The following MCHR2 variants were observed in gnomAD, a reference collection of about 807,000 sequenced individuals.
MCHR2 encodes the protein melanin-concentrating hormone receptor 2.
Under a neutral mutation model 24.8 loss-of-function variants are expected in MCHR2, and 15 were observed. That is an observed-to-expected ratio of 0.60 (90% CI 0.40 to 0.93). MCHR2 has a LOEUF of 0.93. Ranked by LOEUF, MCHR2 falls within the 40% of genes least tolerant of loss-of-function variation. The pLI is 0.00. For missense variants in MCHR2, 386 were observed against 408.7 expected, an observed-to-expected ratio of 0.94 and a Z score of 0.48; for synonymous variants, 151 against 147.6, an observed-to-expected ratio of 1.02 and a Z score of -0.17.
chr6:99,931,137 G>T (rs912428418), intron 5 of MCHR2, among the ~76,000 whole-genome samples: 2 of 152,166 alleles, frequency 1.3e-5, no homozygotes, highest in Admixed American at 1.3e-4. Context: ...AGCAGCGGTG[G>T]CTGCAGAACA....
chr6:99,921,140 A>G lies in MCHR2; in HGVS notation c.823T>C (p.Leu275=), dbSNP rs1774219208. The change falls in exon 6 of 6, where the codon TTA becomes CTA. Residue 275 remains leucine, a synonymous_variant. Coordinates refer to ENST00000281806, the MANE Select transcript of MCHR2 (RefSeq NM_001040179.2). ...GCCAGTGTGGGCTGTTCCATCTGTAAGTTCACCAGTTGTATCACATGATAA... is the reference window on the plus strand; with the variant it reads ...GCCAGTGTGGGCTGTTCCATCTGTAGGTTCACCAGTTGTATCACATGATAA... The part of the protein sequence containing the change: ...APYHVIQLVN[L]QMEQPTLAFY... 1.2e-6 allele frequency: 2 copies of G among 1,614,056 alleles called. No homozygotes were observed. The highest frequency in any genetic ancestry group is 1.7e-5 in the Admixed American group (1 of 60,006).
intron 1 of MCHR2, among the ~76,000 whole-genome samples, chr6:99,988,030 A>G (rs1303874918): frequency 6.6e-6 from 1 of 152,194 alleles, no homozygotes; most frequent in Non-Finnish European, 1.5e-5. Flanking sequence ...CTTCAGCAGA[A>G]TATTTAACTC....
At chr6:99,972,084 T>C (rs1403307730) in intron 1 of MCHR2, among the ~76,000 whole-genome samples, 1 of 152,240 alleles carries the variant, frequency 6.6e-6, no homozygotes, top group Non-Finnish European at 1.5e-5. Context: ...ATAAAATGAA[T>C]TAGGGAGGAT....
chr6:99,983,999 C>T (rs1775721489), intron 1 of MCHR2, among the ~76,000 whole-genome samples: 2 of 152,096 alleles, frequency 1.3e-5, no homozygotes, highest in Admixed American at 6.5e-5. Flanking sequence ...TATTCTTTAG[C>T]TGGTAGGTGA....
chr6:99,953,653 C>A (rs1426310777), intron 2 of MCHR2, among the ~76,000 whole-genome samples: 1 of 151,416 alleles, frequency 6.6e-6, no homozygotes, highest in Non-Finnish European at 1.5e-5. Context: ...TCTCATCTTC[C>A]CCACTAGAAT....
chr6:99,924,910 G>T (rs755592192), intron 5 of MCHR2, among the ~76,000 whole-genome samples: 1 of 152,052 alleles, frequency 6.6e-6, no homozygotes, highest in Non-Finnish European at 1.5e-5. Flanking sequence ...ATATATATTA[G>T]ATCCATTTGG....
chr6:99,981,428 T>C (rs559598123), intron 1 of MCHR2, among the ~76,000 whole-genome samples: 2 of 144,104 alleles, frequency 1.4e-5, no homozygotes, highest in South Asian at 4.5e-4. Context: ...TTCCAGTCAC[T>C]GGAGTCTGGC....
intron 1 of MCHR2, among the ~76,000 whole-genome samples, chr6:99,984,401 C>A (rs1352403432): frequency 1.1e-5 from 1 of 94,228 alleles, no homozygotes; most frequent in African/African-American, 4.1e-5. Flanking sequence ...CTGAAGTTAT[C>A]CCTCCCCCCC....
At chr6:99,926,423 A>G (rs13202135) in intron 5 of MCHR2, among the ~76,000 whole-genome samples, 220 of 152,268 alleles carry the variant, frequency 1.4e-3, no homozygotes, top group Non-Finnish European at 2.6e-3. Flanking sequence ...GACTTCCACA[A>G]TGGTTGAACT....
intron 1 of MCHR2, among the ~76,000 whole-genome samples, chr6:99,961,044 A>G (rs929108609): frequency 9.9e-5 from 15 of 152,178 alleles, no homozygotes; most frequent in Non-Finnish European, 1.8e-4. Flanking sequence ...TGAACAGGTA[A>G]CCTATAGAAT....
chr6:99,978,420 G>T (rs1230115178), intron 1 of MCHR2, among the ~76,000 whole-genome samples: 7 of 104,168 alleles, frequency 6.7e-5, no homozygotes, highest in Admixed American at 1.3e-4. Flanking sequence ...GGTCAAGACA[G>T]TTTTTTTTTT....
chr6:99,958,326 C>T (rs1775109756), intron 1 of MCHR2, among the ~76,000 whole-genome samples: 1 of 151,952 alleles, frequency 6.6e-6, no homozygotes, highest in Admixed American at 6.6e-5. Flanking sequence ...ATTATACATA[C>T]ACATATACAT....
chr6:99,927,868 A>T (rs1164260849), intron 5 of MCHR2, among the ~76,000 whole-genome samples: 1 of 152,124 alleles, frequency 6.6e-6, no homozygotes, highest in Non-Finnish European at 1.5e-5. Context: ...AACTTCCAAC[A>T]CTATGTTGAA....
chr6:99,951,538 T>A (rs546314572), intron 2 of MCHR2, among the ~76,000 whole-genome samples: 18 of 152,266 alleles, frequency 1.2e-4, no homozygotes, highest in Non-Finnish European at 2.5e-4. Flanking sequence ...GCGATTCAAC[T>A]TCCTTAGATT....
At chr6:99,989,675 A>C (rs1213436169) in intron 1 of MCHR2, among the ~76,000 whole-genome samples, 1 of 152,144 alleles carries the variant, frequency 6.6e-6, no homozygotes, top group East Asian at 1.9e-4. Context: ...TTTGCTTAAT[A>C]AGCCATCACT....
At chr6:99,978,472 G>A (rs1775601771) in intron 1 of MCHR2, among the ~76,000 whole-genome samples, 1 of 137,904 alleles carries the variant, frequency 7.3e-6, no homozygotes, top group Admixed American at 8.3e-5. Flanking sequence ...AGGCTAGAGT[G>A]CAGTGGTGCA....
chr6:99,966,797 A>C (rs1197273697), intron 1 of MCHR2, among the ~76,000 whole-genome samples: 1 of 152,136 alleles, frequency 6.6e-6, no homozygotes, highest in Non-Finnish European at 1.5e-5. Context: ...ATTTTAAAGA[A>C]TCTTTTGTAT....
intron 5 of MCHR2, among the ~76,000 whole-genome samples, chr6:99,930,582 T>C (rs1320509950): frequency 7.2e-6 from 1 of 138,654 alleles, no homozygotes; most frequent in African/African-American, 2.5e-5. Context: ...CTTCATTTCA[T>C]TCATTTCATC....
intron 1 of MCHR2, among the ~76,000 whole-genome samples, chr6:99,988,983 T>C (rs1199963124): frequency 6.6e-6 from 1 of 152,220 alleles, no homozygotes; most frequent in Non-Finnish European, 1.5e-5. Flanking sequence ...AATGTCTCCA[T>C]GAGCTAAATC....
Sources: allele counts gnomAD v4.1 joint callset (sites outside exome capture counted in the v4.1 genomes callset), GRCh38; gene constraint gnomAD v4.1.1; transcripts MANE v1.5; gene names NCBI Gene and HGNC (gene_info 2026-07-23, HGNC 2026-07-21).